Variants in PDE11A observed in about 807,000 individuals in gnomAD.
PDE11A encodes phosphodiesterase 11A.
PDE11A carries 100 observed loss-of-function variants against 100.5 expected under a neutral mutation model. The observed-to-expected ratio is 1.00, with a 90% CI of 0.85 to 1.18. The LOEUF is 1.18. Ranked by LOEUF, PDE11A falls within the 50% of genes most tolerant of loss-of-function variation. The pLI, the probability that PDE11A is intolerant of heterozygous loss-of-function variation, is 0.00. For missense variants in PDE11A, 1,141 were observed against 1,152.6 expected (o/e 0.99, Z 0.15); for synonymous variants, 381 against 420.8 (o/e 0.91, Z 1.16).
chr2:177,776,440 G>A (rs2082378784), intron 9 of PDE11A, among the ~76,000 whole-genome samples: 1 of 152,008 alleles, frequency 6.6e-6, no homozygotes, highest in African/African-American at 2.4e-5. Flanking sequence ...ATCTCCCAAT[G>A]ACATTTCTTC....
intron 10 of PDE11A, among the ~76,000 whole-genome samples, chr2:177,734,863 CT>C (rs1224313163): frequency 6.6e-6 from 1 of 152,188 alleles, no homozygotes; most frequent in Admixed American, 6.5e-5. Flanking sequence ...GATTTTTATA[CT>C]GATAGCAGCC....
intron 5 of PDE11A, among the ~76,000 whole-genome samples, chr2:177,860,221 C>CA (rs34364822): frequency 0.11 from 15,224 of 137,048 alleles, 946 homozygotes; most frequent in African/African-American, 0.2. Context: ...CTAGTTTTGC[C>CA]AAAAAAAAAA....
chr2:178,057,278 CA>C (rs2086911065), intron 1 of PDE11A, among the ~76,000 whole-genome samples: 1 of 152,054 alleles, frequency 6.6e-6, no homozygotes, highest in Admixed American at 6.6e-5. Flanking sequence ...ATCTTGAGTC[CA>C]AAAACAAATC....
intron 5 of PDE11A, among the ~76,000 whole-genome samples, 171 bp from the exon 6 acceptor site, chr2:177,840,554 A>G (rs1465019648): frequency 6.6e-6 from 1 of 152,214 alleles, no homozygotes; most frequent in African/African-American, 2.4e-5. Flanking sequence ...CTTCGAAATG[A>G]CTTACCTGCT....
At chr2:178,022,600 AC>A (rs1368370858) in intron 1 of PDE11A, among the ~76,000 whole-genome samples, 3 of 152,176 alleles carry the variant, frequency 2.0e-5, no homozygotes. Context: ...CATCACAATC[AC>A]CAGCAGAGCT....
intron 9 of PDE11A, among the ~76,000 whole-genome samples, chr2:177,775,347 A>G (rs925812857): frequency 3.3e-5 from 5 of 152,196 alleles, no homozygotes; most frequent in Admixed American, 1.3e-4. Context: ...CCAATCAATT[A>G]GTATCAATTG....
At chr2:177,787,723 G>A (rs899089093) in intron 9 of PDE11A, among the ~76,000 whole-genome samples, 7 of 150,776 alleles carry the variant, frequency 4.6e-5, no homozygotes, top group Non-Finnish European at 1.0e-4. Context: ...AACAAAATAG[G>A]CAGGGGTTGC....
chr2:177,952,650 T>G (rs1019975886), intron 2 of PDE11A, among the ~76,000 whole-genome samples: 9 of 152,178 alleles, frequency 5.9e-5, no homozygotes, highest in African/African-American at 2.2e-4. Context: ...CCCTCTTTAT[T>G]TTCTTTCTTT....
At chr2:178,072,840 C>T (rs571660000), upstream of PDE11A, 6 of 1,178,660 alleles carry the variant, frequency 5.1e-6, no homozygotes, top group East Asian at 1.8e-4. Flanking sequence ...AGGCACGGAG[C>T]CTGGAGGGAG....
chr2:177,728,309 C>CT, intron 10 of PDE11A, 137 bp from the exon 11 acceptor site: 1 of 688,310 alleles, frequency 1.5e-6, no homozygotes, highest in Non-Finnish European at 2.6e-6. Context: ...CAGCTAAACT[C>CT]TGAGCTGTAA....
intron 2 of PDE11A, among the ~76,000 whole-genome samples, chr2:178,002,367 T>C (rs2105818623): frequency 6.6e-6 from 1 of 152,332 alleles, no homozygotes; most frequent in African/African-American, 2.4e-5. Context: ...AATACTGCTG[T>C]GATGAACATT....
At chr2:177,866,166 C>T (rs1321490623) in intron 5 of PDE11A, among the ~76,000 whole-genome samples, 2 of 152,112 alleles carry the variant, frequency 1.3e-5, no homozygotes, top group African/African-American at 4.8e-5. Flanking sequence ...CATGGAGATG[C>T]CCTATTCACA....
chr2:177,690,062 G>T (rs969342022), intron 15 of PDE11A, among the ~76,000 whole-genome samples: 1 of 152,158 alleles, frequency 6.6e-6, no homozygotes, highest in African/African-American at 2.4e-5. Context: ...CTGGCACAAA[G>T]AAACCATTAA....
chr2:177,902,927 C>A (rs2084720545), intron 3 of PDE11A, among the ~76,000 whole-genome samples: 1 of 152,122 alleles, frequency 6.6e-6, no homozygotes, highest in South Asian at 2.1e-4. Flanking sequence ...CAGCCTTCTC[C>A]CTCCCTCCCC....
At chr2:178,026,660 CA>C (rs67326972) in intron 1 of PDE11A, among the ~76,000 whole-genome samples, 12,318 of 107,820 alleles carry the variant, frequency 0.11, 680 homozygotes, top group Non-Finnish European at 0.16. Flanking sequence ...GACTCTGTCT[CA>C]AAAAAAAAAA....
chr2:177,831,116 C>T (rs1250328606), intron 6 of PDE11A, among the ~76,000 whole-genome samples: 1 of 152,150 alleles, frequency 6.6e-6, no homozygotes, highest in African/African-American at 2.4e-5. Flanking sequence ...CACTATGGCT[C>T]ACCTGCTAAG....
intron 10 of PDE11A, among the ~76,000 whole-genome samples, chr2:177,754,765 A>C (rs1325583179): frequency 6.6e-6 from 1 of 152,230 alleles, no homozygotes; most frequent in Non-Finnish European, 1.5e-5. Context: ...AGCTGGAGAG[A>C]GCTGTTTGGA....
intron 1 of PDE11A, among the ~76,000 whole-genome samples, chr2:178,054,322 C>T (rs1239144985): frequency 2.6e-5 from 4 of 152,162 alleles, no homozygotes; most frequent in African/African-American, 9.7e-5. Context: ...TGGATCCCTT[C>T]CTTACACCTT....
chr2:177,990,289 G>A (rs553745069), intron 2 of PDE11A, among the ~76,000 whole-genome samples: 27 of 152,148 alleles, frequency 1.8e-4, no homozygotes, highest in Middle Eastern at 6.8e-3. Flanking sequence ...TCTGCATATC[G>A]GACTTTGTGG....
Sources: allele counts gnomAD v4.1 joint callset (sites outside exome capture counted in the v4.1 genomes callset), GRCh38; gene constraint gnomAD v4.1.1; transcripts MANE v1.5; gene names NCBI Gene and HGNC (gene_info 2026-07-23, HGNC 2026-07-21).